Variants in FRMD5 observed in about 807,000 individuals in gnomAD.
FRMD5 encodes FERM domain containing 5.
In FRMD5, 20 loss-of-function variants were observed where a neutral mutation model predicts 69.0. The ratio of observed to expected loss-of-function variants is 0.29; its 90% CI spans 0.20 to 0.42. FRMD5 has a LOEUF of 0.42. FRMD5 is among the 10% of genes least tolerant of loss of function. The pLI is 1.00. For synonymous variants in FRMD5, 271 were observed against 260.1 expected (o/e 1.04, Z -0.40); for missense variants, 595 against 708.6 (o/e 0.84, Z 1.82).
At chr15:44,166,871 T>C (rs1236902473) in intron 1 of FRMD5, among the ~76,000 whole-genome samples, 2 of 149,894 alleles carry the variant, frequency 1.3e-5, no homozygotes, top group Non-Finnish European at 3.0e-5. Context: ...TAACTCCGAA[T>C]ACTGCTTATT....
intron 1 of FRMD5, among the ~76,000 whole-genome samples, chr15:44,143,769 C>CA (rs1368820012): frequency 2.0e-5 from 3 of 151,028 alleles, no homozygotes; most frequent in African/African-American, 7.3e-5. Flanking sequence ...ACTAAAAATA[C>CA]AAAAAATTGG....
chr15:43,946,124 T>C (rs2089943304), intron 1 of FRMD5, among the ~76,000 whole-genome samples: 1 of 152,154 alleles, frequency 6.6e-6, no homozygotes. Flanking sequence ...CCTCTTGGCT[T>C]CCCTCTTCCA....
At chr15:44,061,757 C>T (rs570906782) in intron 1 of FRMD5, among the ~76,000 whole-genome samples, 1 of 152,248 alleles carries the variant, frequency 6.6e-6, no homozygotes, top group Admixed American at 6.5e-5. Flanking sequence ...AATTTCCAGC[C>T]TTTGTCATGG....
intron 1 of FRMD5, among the ~76,000 whole-genome samples, chr15:44,016,837 TAA>T (rs972180024): frequency 2.6e-4 from 12 of 45,554 alleles, no homozygotes; most frequent in African/African-American, 5.7e-4. Flanking sequence ...GTAGTTCACA[TAA>T]TTTTTTTTTT....
At chr15:44,106,518 C>T (rs2076720847) in intron 1 of FRMD5, among the ~76,000 whole-genome samples, 1 of 152,152 alleles carries the variant, frequency 6.6e-6, no homozygotes, top group Admixed American at 6.5e-5. Context: ...TACAACCATC[C>T]TTCACCTGCC....
chr15:44,123,996 T>A (rs1198953076), intron 1 of FRMD5, among the ~76,000 whole-genome samples: 1 of 152,068 alleles, frequency 6.6e-6, no homozygotes, highest in African/African-American at 2.4e-5. Flanking sequence ...GTTGTTTTGT[T>A]TTTTTGTTTT....
chr15:44,123,190 C>A (rs2076979550), intron 1 of FRMD5, among the ~76,000 whole-genome samples: 2 of 151,674 alleles, frequency 1.3e-5, no homozygotes, highest in African/African-American at 2.4e-5. Flanking sequence ...ACTAAAAATA[C>A]AAAAATTAGC....
chr15:43,903,331 G>A (rs1438475951), intron 6 of FRMD5, among the ~76,000 whole-genome samples: 1 of 152,198 alleles, frequency 6.6e-6, no homozygotes, highest in African/African-American at 2.4e-5. Flanking sequence ...CAGGTGATAT[G>A]GCCAGGCAGG....
intron 1 of FRMD5, among the ~76,000 whole-genome samples, chr15:44,109,283 G>A (rs2076764351): frequency 2.0e-5 from 3 of 151,684 alleles, no homozygotes; most frequent in South Asian, 4.2e-4. Context: ...CTTTTACTGT[G>A]GTAAAATACA....
At chr15:44,096,874 T>A (rs565282712) in intron 1 of FRMD5, among the ~76,000 whole-genome samples, 9 of 152,212 alleles carry the variant, frequency 5.9e-5, no homozygotes, top group African/African-American at 2.2e-4. Flanking sequence ...CTGAAAAATG[T>A]CAGGAGCAAG....
rs1377353880 is a variant in FRMD5, at chr15:43,977,822, T to C, written c.103-53513A>G. ...TCTACAGTGAGGATATCTAGTCCCC[T>C]GCGATTTTGGAGTACTAACTGTTGC... On this transcript the variant is annotated intron_variant, in intron 1 of 13. Transcript: ENST00000417257. Among the ~76,000 whole-genome samples the C allele has an allele frequency of 2.0e-5, 3 of 152,188 alleles. No homozygotes were observed. In the East Asian group the frequency reaches 5.8e-4, roughly 29 times the overall value.
At chr15:44,063,909 G>T in intron 1 of FRMD5, 1 of 271,308 alleles carries the variant, frequency 3.7e-6, no homozygotes, top group South Asian at 4.0e-5. Context: ...TGTTTGTAAT[G>T]GGTGTGAACC....
chr15:44,026,387 C>T (rs749512616), intron 1 of FRMD5, among the ~76,000 whole-genome samples: 1 of 152,208 alleles, frequency 6.6e-6, no homozygotes, highest in Non-Finnish European at 1.5e-5. Flanking sequence ...TTTAAAATAG[C>T]ATTTGACTGT....
At chr15:44,191,166 G>C (rs2447333) in intron 1 of FRMD5, among the ~76,000 whole-genome samples, 18,143 of 152,154 alleles carry the variant, frequency 0.12, 2,601 homozygotes, top group African/African-American at 0.34. Context: ...TCACCTTTCA[G>C]TAATCACAAA....
chr15:43,932,982 A>G (rs1249014905), intron 1 of FRMD5, among the ~76,000 whole-genome samples: 3 of 152,228 alleles, frequency 2.0e-5, no homozygotes, highest in Non-Finnish European at 2.9e-5. Flanking sequence ...AGAACTCTGA[A>G]GAAGAGTTCC....
intron 1 of FRMD5, among the ~76,000 whole-genome samples, chr15:43,984,648 C>T (rs186727404): frequency 8.5e-5 from 13 of 152,208 alleles, no homozygotes; most frequent in Admixed American, 2.0e-4. Flanking sequence ...TGATGATGAA[C>T]GACTTTGATT....
chr15:44,107,574 C>T (rs1472582615), intron 1 of FRMD5, among the ~76,000 whole-genome samples: 3 of 152,004 alleles, frequency 2.0e-5, no homozygotes, highest in Admixed American at 2.0e-4. Context: ...AAATGCTGCT[C>T]AAAGGTTATA....
chr15:43,919,238 T>C (rs1471036232), intron 4 of FRMD5: 1 of 685,994 alleles, frequency 1.5e-6, no homozygotes, highest in Admixed American at 2.0e-5. Flanking sequence ...GAGGTAGTAT[T>C]CACACTTCTT....
intron 1 of FRMD5, among the ~76,000 whole-genome samples, chr15:44,019,534 G>A (rs560689104): frequency 4.0e-5 from 6 of 151,166 alleles, no homozygotes; most frequent in South Asian, 4.2e-4. Flanking sequence ...TCCGGAGTTC[G>A]AGACCAGCCT....
Sources: allele counts gnomAD v4.1 joint callset (sites outside exome capture counted in the v4.1 genomes callset), GRCh38; gene constraint gnomAD v4.1.1; transcripts MANE v1.5; gene names NCBI Gene and HGNC (gene_info 2026-07-23, HGNC 2026-07-21).